DGKQ: variants seen among roughly 807,000 people sequenced by gnomAD.
The protein encoded by DGKQ is diacylglycerol kinase theta, also known as DAG kinase theta.
DGKQ carries 97 observed loss-of-function variants against 104.2 expected under a neutral mutation model. The observed-to-expected ratio is 0.93, with a 90% CI of 0.79 to 1.10. The LOEUF is 1.10. DGKQ is among the 50% of genes least tolerant of loss of function. The probability of loss-of-function intolerance (pLI) is 0.00; values close to 1 mark genes in which losing one functional copy is unlikely to be tolerated. For synonymous variants in DGKQ, 736 were observed against 595.2 expected (o/e 1.24, Z -3.44); for missense variants, 1,465 against 1,352.1 (o/e 1.08, Z -1.31).
At chr4:967,085 C>T in intron 9 of DGKQ, 31 bp from the exon 10 acceptor site, 1 of 1,543,390 alleles carries the variant, frequency 6.5e-7, no homozygotes, top group Non-Finnish European at 8.8e-7. Flanking sequence ...CTGGAGCTCC[C>T]CCCACCCCGC....
In DGKQ at chr4:960,459, G is replaced by T. The variant is rs3733345; in HGVS notation, c.*161C>A. On this transcript the variant is annotated 3_prime_UTR_variant, in exon 23 of 23. Transcript: ENST00000273814. ...CATGTGTCACCAATGGGATGAGGGC[G>T]GGTCCCGCTCCGTCACTGGGAAGAT... The T allele has an allele frequency of 0.53, 339,068 of 638,504 alleles. 90,714 individuals carry two copies. The highest frequency in any genetic ancestry group is 0.61 in the Admixed American group (23,248 of 38,280). 39.6% of individuals were successfully genotyped at this position (638,504 alleles called of 1,614,324 possible). A position where few individuals can be genotyped will look rare whatever the true frequency, so the allele number is the denominator to read the frequency against.
chr4:960,766 G>C, intron 22 of DGKQ, 45 bp from the exon 23 acceptor site: 1 of 1,601,606 alleles, frequency 6.2e-7, no homozygotes. Context: ...CATGGCCGAT[G>C]AAAGAACGGT....
chr4:966,398 C>T, intron 12 of DGKQ, 68 bp downstream of exon 12: 2 of 1,550,830 alleles, frequency 1.3e-6, no homozygotes, highest in Non-Finnish European at 1.8e-6. Flanking sequence ...GGCACACCCA[C>T]CCTGTGGGGC....
chr4:967,422 GCAGGTCATGGA>G, intron 8 of DGKQ, 61 bp from the exon 9 acceptor site: 1 of 825,168 alleles, frequency 1.2e-6, no homozygotes, highest in Admixed American at 2.2e-5. Context: ...TCAGTGGGGG[GCAGGTCATGGA>G]GGGGGAGGCC....
chr4:967,817 C>T lies in DGKQ; in HGVS notation c.812-15G>A. ...GCCCCCCTCGCCTGCGGGTCGGGCA[C>T]ACGGACCCCTCATTCAGTGCGCAGC... On this transcript the variant is annotated splice_polypyrimidine_tract_variant and intron_variant, in intron 6 of 22. Transcript: ENST00000273814. The T allele has an allele frequency of 6.3e-7, 1 of 1,585,722 alleles. No individual in the cohort carries two copies. Among genetic ancestry groups the T allele is most frequent in the Non-Finnish European group, 8.6e-7 (1 of 1,167,296 alleles).
chr4:966,485 C>T lies in DGKQ; in HGVS notation c.1409G>A (p.Arg470Gln), dbSNP rs771362845. 3.1e-6 allele frequency: 5 copies of T among 1,612,452 alleles called. No homozygotes were observed. Among genetic ancestry groups the T allele is most frequent in the East Asian group, 4.5e-5 (2 of 44,878 alleles). ...ACTCACCTGCCGGATGTCCTGTAGC[C>T]GGTCCAGCAGGGGCTGTTCGTCCAT... ...MLMDEQPLLD[R>Q]LQDIRQMSVR... The change falls in exon 12 of 23, where the codon CGG becomes CAG. Residue 470 changes from arginine (R) to glutamine (Q), a missense_variant. Coordinates refer to ENST00000273814, the MANE Select transcript of DGKQ (RefSeq NM_001347.4).
In DGKQ at chr4:968,346, C is replaced by T; in HGVS notation, c.599G>A (p.Cys200Tyr). Residue 200 changes from cysteine to tyrosine, a missense_variant, in exon 5 of 23, where the codon TGC (cysteine) becomes TAC (tyrosine). Cys to Tyr is a radical substitution (Grantham distance 194, BLOSUM62 -2). Coordinates refer to ENST00000273814, the MANE Select transcript of DGKQ (RefSeq NM_001347.4). ...GTCAGAGGAGCCGCACGTCTTCCTGCAGACCTCGCAGCGCGCTCCCGAGGG... is the reference window on the plus strand; with the variant it reads ...GTCAGAGGAGCCGCACGTCTTCCTGTAGACCTCGCAGCGCGCTCCCGAGGG... Reference protein sequence around the residue: ...NLPSGARCEVCRKTCGSSDVL... With the variant: ...NLPSGARCEVYRKTCGSSDVL... 6.5e-7 allele frequency: 1 copy of T among 1,543,138 alleles called. No homozygotes were observed.
chr4:972,606 T>C (rs1210033720), intron 1 of DGKQ, among the ~76,000 whole-genome samples: 1 of 150,648 alleles, frequency 6.6e-6, no homozygotes, highest in East Asian at 1.9e-4. Flanking sequence ...GGCTGGGCTG[T>C]GGTCCCCCTG....
chr4:970,706 G>A (rs773101201), intron 2 of DGKQ, among the ~76,000 whole-genome samples: 8 of 152,042 alleles, frequency 5.3e-5, no homozygotes, highest in South Asian at 2.1e-4. Context: ...CCACTTCTCC[G>A]CCTGGAAACC....
Position 962,447 on chromosome 4 carries a change from T to C in DGKQ, c.2202A>G (p.Ala734=). The C allele has an allele frequency of 6.3e-7, 1 of 1,581,040 alleles. No homozygotes were observed. The highest frequency in any genetic ancestry group is 8.6e-7 in the Non-Finnish European group (1 of 1,168,426). ...AGSAENDTAD[A]EPPKIVQMSN... ...GGCTGCCCTGTACCTTGGGGGGCTCTGCGTCTGCCGTGTCGTTCTCTGCAC... is the reference window on the plus strand; with the variant it reads ...GGCTGCCCTGTACCTTGGGGGGCTCCGCGTCTGCCGTGTCGTTCTCTGCAC... The change falls in exon 18 of 23, where the codon GCA becomes GCG. Residue 734 remains alanine, a synonymous_variant. Coordinates refer to ENST00000273814, the MANE Select transcript of DGKQ (RefSeq NM_001347.4).
chr4:962,058 C>T lies in DGKQ; in HGVS notation c.2239G>A (p.Gly747Ser), dbSNP rs936055431. Residue 747 changes from glycine (G) to serine (S), a missense_variant, in exon 19 of 23, where the codon GGC becomes AGC. Physicochemically the swap from Gly to Ser is moderately conservative, Grantham distance 56. Coordinates refer to ENST00000273814, the MANE Select transcript of DGKQ (RefSeq NM_001347.4). ...CTCAGCTCCGCGTCGATGCCAATGCCACAGTAGTTACTCATCTGCACGATC... is the reference window on the plus strand; with the variant it reads ...CTCAGCTCCGCGTCGATGCCAATGCTACAGTAGTTACTCATCTGCACGATC... ...PKIVQMSNYC[G>S]IGIDAELSLD... 1.2e-6 allele frequency: 2 copies of T among 1,612,524 alleles called. No individual in the cohort carries two copies. Among genetic ancestry groups the T allele is most frequent in the Non-Finnish European group, 1.7e-6 (2 of 1,179,962 alleles).
rs370534088 is a variant in DGKQ at position 965,909 on chromosome 4, C to G, written c.1579+19G>C. The G allele has an allele frequency of 1.5e-5, 24 of 1,578,262 alleles. No individual in the cohort carries two copies. The African/African-American group carries it at 2.7e-4, about 18-fold the overall frequency. ...CCTGCCCCGTGCCAGCAGCCCACGG[C>G]CAGCCACAGTGGTCACACCTTTGGT... On this transcript the variant is annotated intron_variant, in intron 13 of 22. Coordinates refer to ENST00000273814, the MANE Select transcript of DGKQ (RefSeq NM_001347.4).
rs549888127 is a variant in DGKQ, at chr4:961,966, C to T, written c.2315+16G>A. The T allele has an allele frequency of 6.2e-7, 1 of 1,612,638 alleles. No individual in the cohort carries two copies. Among genetic ancestry groups the T allele is most frequent in the African/African-American group, 1.3e-5 (1 of 75,006 alleles). ...GGTATGCCGTTGACAGGTGGTAGCC[C>T]CTGCGGCTCCGGTACCTGCTTGTGA... On this transcript the variant is annotated intron_variant, in intron 19 of 22. Transcript: ENST00000273814.
At chr4:968,135 GTGTC>G in intron 5 of DGKQ, 108 bp from the exon 6 acceptor site, 2 of 717,574 alleles carry the variant, frequency 2.8e-6, no homozygotes, top group Non-Finnish European at 3.8e-6. Flanking sequence ...CCTGGACCCC[GTGTC>G]CTTCCTGCCG....
In DGKQ at chr4:967,330, T is replaced by C. The variant is rs1248575057; in HGVS notation, c.1019A>G (p.Glu340Gly). ...EAALRAHHIP[E>G]DPGHLELCRL... ...GCACAGCTCCAGGTGGCCAGGGTCC[T>C]CGGGGATGTGGTGGGCCCGCAGTGC... is the stretch of plus-strand genomic sequence containing the variant. Residue 340 changes from glutamate to glycine, a missense_variant, in exon 9 of 23, where the codon GAG becomes GGG. Glu to Gly is a moderately conservative substitution (Grantham distance 98, BLOSUM62 -2). Transcript: ENST00000273814. The C allele has an allele frequency of 1.3e-6, 2 of 1,534,698 alleles. No individual in the cohort carries two copies. The highest frequency in any genetic ancestry group is 2.4e-5 in the South Asian group (2 of 84,094).
chr4:968,266 A>G lies in DGKQ; in HGVS notation c.663+16T>C. 2 of 569,836 alleles carry G rather than the reference A, an allele frequency of 3.5e-6. No individual in the cohort carries two copies. The highest frequency in any genetic ancestry group is 4.8e-6 in the Non-Finnish European group (2 of 418,356). 35.3% of individuals were successfully genotyped at this position (569,836 alleles called of 1,614,324 possible). On this transcript the variant is annotated intron_variant, in intron 5 of 22. Coordinates refer to ENST00000273814, the MANE Select transcript of DGKQ (RefSeq NM_001347.4). ...CTCCTGCCCCACCCCCACCCCCTCG[A>G]CTTCCCAGCGCCCACCTGGACCCCG...
At chr4:966,309 G>A (rs1018929480) in intron 12 of DGKQ, 157 bp downstream of exon 12, 15 of 895,270 alleles carry the variant, frequency 1.7e-5, no homozygotes, top group Non-Finnish European at 2.4e-5. Flanking sequence ...TCCCTGCAGG[G>A]ACCAAGTAGC....
intron 15 of DGKQ, 134 bp from the exon 16 acceptor site, chr4:963,424 G>T: frequency 1.3e-6 from 1 of 749,748 alleles, no homozygotes; most frequent in Non-Finnish European, 2.2e-6. Context: ...GGAAGGCGTG[G>T]CCAGCACCCT....
chr4:969,317 G>T (rs372141382), intron 2 of DGKQ, among the ~76,000 whole-genome samples: 3 of 152,212 alleles, frequency 2.0e-5, no homozygotes, highest in East Asian at 1.9e-4. Flanking sequence ...CTCTGTCGAC[G>T]GCCTGGCATC....
Sources: gnomAD v4.1 joint callset for allele counts (sites outside exome capture counted in the v4.1 genomes callset) on GRCh38, gnomAD v4.1.1 for gene constraint, MANE v1.5 for transcripts, NCBI Gene and HGNC (gene_info 2026-07-23, HGNC 2026-07-21) for gene names.